NELL1: variants seen among roughly 807,000 people sequenced by gnomAD.
NELL1 encodes the protein neural EGFL like 1.
Under a neutral mutation model 107.4 loss-of-function variants are expected in NELL1, and 76 were observed. The observed-to-expected ratio is 0.71, with a 90% CI of 0.59 to 0.86. The LOEUF is 0.86. NELL1 is among the 40% of genes least tolerant of loss of function. The pLI is 0.00. For synonymous variants in NELL1, 353 were observed against 341.2 expected (o/e 1.03, Z -0.38); for missense variants, 1,024 against 1,005.5 (o/e 1.02, Z -0.25).
chr11:21,493,535 A>T (rs1854888525), intron 15 of NELL1, among the ~76,000 whole-genome samples: 1 of 152,042 alleles, frequency 6.6e-6, no homozygotes, highest in African/African-American at 2.4e-5. Context: ...GCTAAAAAAA[A>T]AAAAATTGAT....
intron 15 of NELL1, among the ~76,000 whole-genome samples, chr11:21,449,910 T>C (rs1402038561): frequency 1.3e-5 from 2 of 152,232 alleles, no homozygotes; most frequent in Non-Finnish European, 2.9e-5. Context: ...TTGATCTGTT[T>C]GTTCATCTTT....
intron 5 of NELL1, among the ~76,000 whole-genome samples, chr11:20,915,711 ATATATATTTTT>A (rs1391731260): frequency 7.2e-5 from 4 of 55,778 alleles, no homozygotes; most frequent in South Asian, 6.3e-4. Context: ...ATATATATAT[ATATATATTTTT>A]TTTTTTTTTT....
intron 14 of NELL1, among the ~76,000 whole-genome samples, chr11:21,271,437 A>T (rs559740620): frequency 1.3e-5 from 2 of 152,340 alleles, no homozygotes; most frequent in African/African-American, 4.8e-5. Context: ...GAAGACATAG[A>T]TTATCTGAAT....
chr11:21,284,149 C>T (rs752865635), intron 14 of NELL1: 30 of 432,058 alleles, frequency 6.9e-5, no homozygotes, highest in Middle Eastern at 3.5e-4. Context: ...TTAAAACTGA[C>T]GACACCCTGC....
chr11:21,229,828 G>A (rs1422481054), intron 14 of NELL1, among the ~76,000 whole-genome samples: 1 of 152,084 alleles, frequency 6.6e-6, no homozygotes, highest in African/African-American at 2.4e-5. Context: ...TATCTGCTTG[G>A]GTAGGAAACT....
rs190320602 is a variant in NELL1 at position 20,724,914 on chromosome 11, G to C, written c.184+46854G>C. Among the ~76,000 whole-genome samples the C allele has an allele frequency of 2.6e-5, 4 of 152,286 alleles. No homozygotes were observed. In the East Asian group the frequency reaches 7.7e-4, roughly 29 times the overall value. ...ATTGACTCACAGTTCTGAATGACTG[G>C]GGAAGTTTCAGGAAACTTACAATCA... On this transcript the variant is annotated intron_variant, in intron 2 of 19. Transcript: ENST00000357134.
At chr11:21,310,064 C>A (rs1481317761) in intron 14 of NELL1, among the ~76,000 whole-genome samples, 1 of 151,872 alleles carries the variant, frequency 6.6e-6, no homozygotes, top group East Asian at 1.9e-4. Flanking sequence ...CTGATAAGTA[C>A]ATTAGATGAA....
chr11:20,924,589 T>C (rs1850450159), intron 7 of NELL1, among the ~76,000 whole-genome samples: 1 of 152,296 alleles, frequency 6.6e-6, no homozygotes, highest in South Asian at 2.1e-4. Context: ...AAAGCTCAGA[T>C]AGATATAGAG....
At chr11:21,465,210 G>C (rs1278247936) in intron 15 of NELL1, among the ~76,000 whole-genome samples, 2 of 152,062 alleles carry the variant, frequency 1.3e-5, no homozygotes, top group Non-Finnish European at 2.9e-5. Context: ...AGGGGCCCTA[G>C]AGTTGCTCTC....
At chr11:21,507,418 GA>G (rs1165499469) in intron 15 of NELL1, among the ~76,000 whole-genome samples, 1 of 152,082 alleles carries the variant, frequency 6.6e-6, no homozygotes, top group Non-Finnish European at 1.5e-5. Flanking sequence ...TAGCCCCATG[GA>G]AAACAATCTT....
chr11:21,424,798 C>T (rs1270620559), intron 15 of NELL1, among the ~76,000 whole-genome samples: 1 of 152,018 alleles, frequency 6.6e-6, no homozygotes, highest in Non-Finnish European at 1.5e-5. Context: ...AATCAGTAAT[C>T]AAAAATCTCC....
At chr11:21,527,755 G>A (rs1320638411) in intron 15 of NELL1, among the ~76,000 whole-genome samples, 1 of 152,148 alleles carries the variant, frequency 6.6e-6, no homozygotes, top group African/African-American at 2.4e-5. Flanking sequence ...AGGTCCAAGA[G>A]TCCAAAAGCT....
At chr11:21,072,213 G>A (rs1362759494) in intron 12 of NELL1, among the ~76,000 whole-genome samples, 1 of 152,130 alleles carries the variant, frequency 6.6e-6, no homozygotes, top group Non-Finnish European at 1.5e-5. Context: ...TAGCCAAATG[G>A]CATATAATAA....
intron 14 of NELL1, among the ~76,000 whole-genome samples, chr11:21,272,792 G>A (rs1848768101): frequency 6.6e-6 from 1 of 152,206 alleles, no homozygotes; most frequent in Non-Finnish European, 1.5e-5. Context: ...CAGGCAAAGA[G>A]GGCCTGGAGG....
Position 21,575,082 on chromosome 11 carries a change from G to A in NELL1, c.*60G>A. 7.1e-7 allele frequency: 1 copy of A among 1,405,956 alleles called. No individual in the cohort carries two copies. The highest frequency in any genetic ancestry group is 1.0e-6 in the Non-Finnish European group (1 of 993,328). The allele number at this position is 1,405,956 out of a possible 1,614,324, so 87.1% of individuals were successfully genotyped here. On this transcript the variant is annotated 3_prime_UTR_variant, in exon 20 of 20. Transcript: ENST00000357134. Reference sequence around the variant, plus strand: ...CGAAATGACCATCCAACGTGATTAAGGATAGGAATCGGTAGTTTGGTTTTT... The same window carrying A: ...CGAAATGACCATCCAACGTGATTAAAGATAGGAATCGGTAGTTTGGTTTTT...
chr11:20,908,720 A>T (rs1381135875), intron 5 of NELL1, among the ~76,000 whole-genome samples: 1 of 152,216 alleles, frequency 6.6e-6, no homozygotes, highest in Non-Finnish European at 1.5e-5. Context: ...AATTTTGATT[A>T]AAAAAGTTAA....
chr11:20,744,165 T>C (rs1321442711), intron 2 of NELL1, among the ~76,000 whole-genome samples: 1 of 152,202 alleles, frequency 6.6e-6, no homozygotes, highest in Non-Finnish European at 1.5e-5. Flanking sequence ...TCCTAACTGG[T>C]ATCCTGTCCT....
At chr11:21,274,887 C>T (rs61886264) in intron 14 of NELL1, among the ~76,000 whole-genome samples, 2,494 of 152,236 alleles carry the variant, frequency 0.016, 25 homozygotes, top group Non-Finnish European at 0.029. Flanking sequence ...ATCTCTGGGA[C>T]ACATTCAAAG....
At chr11:21,201,695 G>C (rs1380256854) in intron 13 of NELL1, among the ~76,000 whole-genome samples, 3 of 152,156 alleles carry the variant, frequency 2.0e-5, no homozygotes, top group Non-Finnish European at 4.4e-5. Flanking sequence ...GGGCATCCCT[G>C]TCTTGTGCCA....
Sources: gnomAD v4.1 joint callset for allele counts (sites outside exome capture counted in the v4.1 genomes callset) on GRCh38, gnomAD v4.1.1 for gene constraint, MANE v1.5 for transcripts, NCBI Gene and HGNC (gene_info 2026-07-23, HGNC 2026-07-21) for gene names.